The following MTM1 variants were observed in gnomAD, a reference collection of about 807,000 sequenced individuals.
MTM1 encodes the protein myotubularin 1.
A neutral mutation model predicts 52.1 loss-of-function variants in MTM1; 9 were observed. The ratio of observed to expected loss-of-function variants is 0.17; its 90% CI spans 0.10 to 0.30. The LOEUF is 0.30. MTM1 is among the 10% of genes least tolerant of loss of function. The pLI is 1.00. For synonymous variants in MTM1, 136 were observed against 163.8 expected (o/e 0.83, Z 1.29); for missense variants, 277 against 470.7 (o/e 0.59, Z 3.81).
chrX:150,671,733 G>A lies in MTM1; in HGVS notation c.*138G>A. On this transcript the variant is annotated 3_prime_UTR_variant, in exon 15 of 15. Coordinates refer to ENST00000370396, the MANE Select transcript of MTM1 (RefSeq NM_000252.3). ...AACATAATCTTAAACTCTTGAATAT[G>A]TGCCTTCTAGAATACATATTACAAG... 1 of 663,508 alleles carries A rather than the reference G, an allele frequency of 1.5e-6. No homozygotes were observed. The highest frequency in any genetic ancestry group is 2.3e-6 in the Non-Finnish European group (1 of 436,666). The allele number at this position is 663,508 out of a possible 1,213,427, so 54.7% of individuals were successfully genotyped here.
chrX:150,624,972 C>A (rs2039543486), intron 6 of MTM1, among the ~76,000 whole-genome samples: 1 of 111,888 alleles, frequency 8.9e-6, no homozygotes, highest in Non-Finnish European at 1.9e-5. Context: ...GATATAGACT[C>A]ACACAAAGGA....
At chrX:150,621,679 C>T (rs1356298410) in intron 6 of MTM1, among the ~76,000 whole-genome samples, 2 of 111,515 alleles carry the variant, frequency 1.8e-5, no homozygotes, top group Admixed American at 1.9e-4. Context: ...ACACACTTAG[C>T]CTTCAACATC....
At chrX:150,641,662 C>G (rs917628282) in intron 8 of MTM1, among the ~76,000 whole-genome samples, 9 of 111,316 alleles carry the variant, frequency 8.1e-5, no homozygotes, top group African/African-American at 2.9e-4. Context: ...AGAGGGGCTG[C>G]AAGTAATGGG....
intron 4 of MTM1, among the ~76,000 whole-genome samples, chrX:150,611,763 T>C (rs970603905): frequency 9.8e-5 from 11 of 112,255 alleles, no homozygotes; most frequent in Non-Finnish European, 1.9e-4. Flanking sequence ...ACAAAAGAAC[T>C]CGCTCGTGCT....
chrX:150,610,871 T>C (rs1328486326), intron 4 of MTM1, among the ~76,000 whole-genome samples: 6 of 112,289 alleles, frequency 5.3e-5, no homozygotes, highest in African/African-American at 1.9e-4. Flanking sequence ...GCTTCCATGT[T>C]GATGCTAGAG....
chrX:150,638,891 ATAG>A lies in MTM1; in HGVS notation c.445-48_445-46del, dbSNP rs1387683686. ...GCGAGAAATCAAAAGATGTACTATA[ATAG>A]TAGACTGTTCCTTCACGCTGAACTT... On this transcript the variant is annotated intron_variant, in intron 6 of 14. Transcript: ENST00000370396. 4.4e-6 allele frequency: 4 copies of A among 909,271 alleles called. No homozygotes were observed. The East Asian group carries it at 1.2e-4, about 28-fold the overall frequency. The allele number at this position is 909,271 out of a possible 1,213,427, so 74.9% of individuals were successfully genotyped here.
intron 6 of MTM1, among the ~76,000 whole-genome samples, chrX:150,630,991 C>T (rs1243286972): frequency 8.9e-6 from 1 of 112,297 alleles, no homozygotes; most frequent in African/African-American, 3.2e-5. Flanking sequence ...TTGTGCAGCA[C>T]ATATGAGATG....
In MTM1 at chrX:150,583,470, A is replaced by G. The variant is rs1181136765; in HGVS notation, c.-10-9135A>G. ...ATATATTATATATAATTATAAATATATATAAATTATATATATTATATATAA... is the reference window on the plus strand; with the variant it reads ...ATATATTATATATAATTATAAATATGTATAAATTATATATATTATATATAA... On this transcript the variant is annotated intron_variant, in intron 1 of 14. Transcript: ENST00000370396. 2.0e-4 allele frequency among the ~76,000 whole-genome samples: 6 copies of G among 30,462 alleles called. 1 individual carries two copies. In the East Asian group the frequency reaches 8.6e-3, roughly 44 times the overall value. 26.5% of individuals were successfully genotyped at this position (30,462 alleles called of 115,157 possible).
At chrX:150,608,603 A>G (rs1020276144) in intron 4 of MTM1, among the ~76,000 whole-genome samples, 3 of 111,896 alleles carry the variant, frequency 2.7e-5, no homozygotes, top group Admixed American at 9.5e-5. Context: ...GAATGAGTCA[A>G]TCAAGCTACT....
chrX:150,659,096 G>T (rs782778445), intron 11 of MTM1, among the ~76,000 whole-genome samples: 5 of 111,187 alleles, frequency 4.5e-5, no homozygotes, highest in African/African-American at 6.6e-5. Context: ...CTCGTGATCC[G>T]CCCACCTCAG....
intron 6 of MTM1, among the ~76,000 whole-genome samples, chrX:150,623,440 C>G (rs2039514544): frequency 1.8e-5 from 2 of 110,476 alleles, no homozygotes; most frequent in Admixed American, 9.6e-5. Flanking sequence ...AGAAAATGAT[C>G]TCGGGGTGAC....
intron 4 of MTM1, among the ~76,000 whole-genome samples, chrX:150,606,008 GA>G (rs1215287963): frequency 0.025 from 2,244 of 89,154 alleles, 24 homozygotes; most frequent in Non-Finnish European, 0.038. Flanking sequence ...TTTCCTTGAA[GA>G]AAAAAAAAAA....
upstream of MTM1, among the ~76,000 whole-genome samples, chrX:150,564,793 A>G (rs73618840): frequency 5.8e-3 from 648 of 112,181 alleles, 4 homozygotes; most frequent in African/African-American, 0.02. Context: ...GCTCGGCCAT[A>G]TGTACATTTA....
intron 13 of MTM1, 108 bp downstream of exon 13, chrX:150,660,592 C>T: frequency 1.9e-6 from 1 of 532,423 alleles, no homozygotes. Flanking sequence ...TCTTTGACCT[C>T]AAAGAGTAGG....
intron 6 of MTM1, among the ~76,000 whole-genome samples, chrX:150,619,554 A>G (rs1569565446): frequency 8.9e-6 from 1 of 112,457 alleles, no homozygotes; most frequent in Non-Finnish European, 1.9e-5. Flanking sequence ...GCATTTAATT[A>G]GTTGTAATCT....
At chrX:150,669,637 T>TC (rs1309548202) in intron 14 of MTM1, among the ~76,000 whole-genome samples, 6 of 112,649 alleles carry the variant, frequency 5.3e-5, no homozygotes, top group Non-Finnish European at 1.1e-4. Context: ...GAGCTTTTTT[T>TC]CATATCTTTG....
In MTM1 at chrX:150,671,871, C is replaced by T. The variant is rs2040402621; in HGVS notation, c.*276C>T. 3 of 366,744 alleles carry T rather than the reference C, an allele frequency of 8.2e-6. No individual in the cohort carries two copies. The highest frequency in any genetic ancestry group is 5.0e-5 in the East Asian group (1 of 20,133). The allele number at this position is 366,744 out of a possible 1,213,427, so 30.2% of individuals were successfully genotyped here. On this transcript the variant is annotated 3_prime_UTR_variant, in exon 15 of 15. Transcript: ENST00000370396. ...AAAGACAAAATTTAGATTTAATTTA[C>T]GTCTTGAGAAATACTATATATACAA...
Position 150,663,516 on chromosome X carries a change from A to C in MTM1, c.1551A>C (p.Glu517Asp). 1 of 1,211,657 alleles carries C rather than the reference A, an allele frequency of 8.3e-7. No individual in the cohort carries two copies. Among genetic ancestry groups the C allele is most frequent in the Non-Finnish European group, 1.1e-6 (1 of 895,313 alleles). Residue 517 changes from glutamate (E) to aspartate (D), a missense_variant, in exon 14 of 15, where the codon GAA (glutamate) becomes GAC (aspartate). Coordinates refer to ENST00000370396, the MANE Select transcript of MTM1 (RefSeq NM_000252.3). ...TCAAAAACCCCTTCTATACTAAAGA[A>C]ATCAATCGAGTTTTATATCCAGTTG... ...EKFKNPFYTK[E>D]INRVLYPVAS...
At chrX:150,615,400 C>G (rs1165304271) in intron 5 of MTM1, among the ~76,000 whole-genome samples, 2 of 110,100 alleles carry the variant, frequency 1.8e-5, no homozygotes, top group Non-Finnish European at 3.8e-5. Context: ...GGCTCAGTAG[C>G]AAATATTTTA....
Sources: gnomAD v4.1 joint callset for allele counts (sites outside exome capture counted in the v4.1 genomes callset) on GRCh38, gnomAD v4.1.1 for gene constraint, MANE v1.5 for transcripts, NCBI Gene and HGNC (gene_info 2026-07-23, HGNC 2026-07-21) for gene names.